The following ATP9B variants were observed in gnomAD, a reference collection of about 807,000 sequenced individuals.
The protein encoded by ATP9B is ATPase phospholipid transporting 9B.
In ATP9B, 110 loss-of-function variants were observed where a neutral mutation model predicts 146.1. The observed-to-expected ratio is 0.75, with a 90% CI of 0.65 to 0.88. The LOEUF (loss-of-function observed/expected upper bound fraction) is 0.88, where lower values mean the gene tolerates loss of function less well. Ranked by LOEUF, ATP9B falls within the 40% of genes least tolerant of loss-of-function variation. The pLI, the probability that ATP9B is intolerant of heterozygous loss-of-function variation, is 0.00. For synonymous variants in ATP9B, 604 were observed against 569.7 expected, an observed-to-expected ratio of 1.06 and a Z score of -0.86; for missense variants, 1,499 against 1,496.4, an observed-to-expected ratio of 1.00 and a Z score of -0.03.
chr18:79,092,443 A>G (rs553666759), intron 1 of ATP9B, among the ~76,000 whole-genome samples: 57 of 152,314 alleles, frequency 3.7e-4, no homozygotes, highest in African/African-American at 1.3e-3. Context: ...ACACAAATTT[A>G]CAGTGTGTAA....
chr18:79,318,037 T>A (rs2096691683), intron 15 of ATP9B, among the ~76,000 whole-genome samples: 1 of 152,256 alleles, frequency 6.6e-6, no homozygotes, highest in Admixed American at 6.5e-5. Flanking sequence ...TACTGGATTA[T>A]AGCCCATAGT....
chr18:79,268,995 T>C (rs557386293), intron 12 of ATP9B, among the ~76,000 whole-genome samples: 86 of 152,288 alleles, frequency 5.6e-4, no homozygotes, highest in African/African-American at 1.8e-3. Context: ...CTCTCCTCAT[T>C]GGTGGCATTG....
chr18:79,083,687 C>G (rs781483174), intron 1 of ATP9B, among the ~76,000 whole-genome samples: 1 of 152,102 alleles, frequency 6.6e-6, no homozygotes, highest in East Asian at 1.9e-4. Context: ...CTTGTGCTTC[C>G]CGGGTGAGGC....
intron 7 of ATP9B, among the ~76,000 whole-genome samples, chr18:79,169,436 G>A (rs2095036141): frequency 6.6e-6 from 1 of 152,196 alleles, no homozygotes; most frequent in African/African-American, 2.4e-5. Flanking sequence ...CTTGCTGTGT[G>A]TCACCTGTGT....
intron 1 of ATP9B, among the ~76,000 whole-genome samples, chr18:79,092,866 AT>A (rs2074459062): frequency 6.6e-6 from 1 of 152,196 alleles, no homozygotes; most frequent in Non-Finnish European, 1.5e-5. Context: ...TTTTTAAAAA[AT>A]AAATAGAAAA....
At chr18:79,215,133 G>A (rs2095615633) in intron 11 of ATP9B, among the ~76,000 whole-genome samples, 1 of 137,868 alleles carries the variant, frequency 7.3e-6, no homozygotes, top group Admixed American at 7.4e-5. Flanking sequence ...GGGCAACAGG[G>A]TGAGATTCTG....
At chr18:79,080,793 C>T (rs991598317) in intron 1 of ATP9B, among the ~76,000 whole-genome samples, 2 of 152,146 alleles carry the variant, frequency 1.3e-5, no homozygotes, top group East Asian at 1.9e-4. Flanking sequence ...GAGATACATT[C>T]CATCAATACC....
chr18:79,356,557 T>G (rs991747597), intron 25 of ATP9B, among the ~76,000 whole-genome samples: 2 of 152,218 alleles, frequency 1.3e-5, no homozygotes, highest in African/African-American at 2.4e-5. Flanking sequence ...TAGAAAGAAA[T>G]AAGCTACTGA....
chr18:79,175,255 C>A (rs1466660396), intron 7 of ATP9B, among the ~76,000 whole-genome samples: 1 of 149,826 alleles, frequency 6.7e-6, no homozygotes, highest in Non-Finnish European at 1.5e-5. Flanking sequence ...TCAAAAGTCA[C>A]CTGGATGAAT....
intron 9 of ATP9B, 77 bp downstream of exon 9, chr18:79,193,340 C>A: frequency 8.4e-7 from 1 of 1,185,140 alleles, no homozygotes; most frequent in Non-Finnish European, 1.2e-6. Flanking sequence ...GACAGTAATT[C>A]AATCAAGAAT....
intron 2 of ATP9B, among the ~76,000 whole-genome samples, chr18:79,107,193 A>G (rs780930108): frequency 1.7e-4 from 26 of 152,136 alleles, no homozygotes; most frequent in Non-Finnish European, 3.5e-4. Context: ...CCAGCTTGCA[A>G]TGTGCTCTGT....
At chr18:79,108,579 G>T (rs373002960) in intron 2 of ATP9B, among the ~76,000 whole-genome samples, 1 of 152,152 alleles carries the variant, frequency 6.6e-6, no homozygotes, top group Non-Finnish European at 1.5e-5. Context: ...TGTGTGCTGC[G>T]GTAGAAGTTC....
At chr18:79,235,791 A>C (rs1302438507) in intron 11 of ATP9B, among the ~76,000 whole-genome samples, 1 of 151,820 alleles carries the variant, frequency 6.6e-6, no homozygotes, top group African/African-American at 2.4e-5. Context: ...TCTAGTGTGT[A>C]GTCATAGGCA....
At chr18:79,111,187 A>G (rs1422341573) in intron 3 of ATP9B, among the ~76,000 whole-genome samples, 7 of 152,320 alleles carry the variant, frequency 4.6e-5, no homozygotes, top group African/African-American at 1.7e-4. Flanking sequence ...TTTGTATGTC[A>G]TTCCTTATTT....
At chr18:79,334,112 C>T (rs562055934) in intron 17 of ATP9B, among the ~76,000 whole-genome samples, 1 of 152,272 alleles carries the variant, frequency 6.6e-6, no homozygotes, top group African/African-American at 2.4e-5. Context: ...AATCCCAGCA[C>T]TTTGAGAGGC....
intron 9 of ATP9B, among the ~76,000 whole-genome samples, chr18:79,198,382 A>C (rs146245017): frequency 6.6e-6 from 1 of 152,370 alleles, no homozygotes; most frequent in East Asian, 1.9e-4. Flanking sequence ...CACAAAGTAC[A>C]TTTCAGAACA....
intron 6 of ATP9B, among the ~76,000 whole-genome samples, chr18:79,150,955 A>G (rs1278726311): frequency 6.6e-6 from 1 of 152,186 alleles, no homozygotes; most frequent in African/African-American, 2.4e-5. Context: ...TAAAGAGACC[A>G]AAGTAAATGT....
At chr18:79,329,025 A>G (rs928853644) in intron 15 of ATP9B, 116 bp from the exon 16 acceptor site, 5 of 1,132,242 alleles carry the variant, frequency 4.4e-6, no homozygotes, top group Non-Finnish European at 5.9e-6. Flanking sequence ...CTGAACACCT[A>G]AGTTCTTCTG....
chr18:79,200,490 T>C (rs1213584400), intron 9 of ATP9B, among the ~76,000 whole-genome samples: 1 of 152,204 alleles, frequency 6.6e-6, no homozygotes. Flanking sequence ...ATACAGGGAC[T>C]TAAGGCAGCA....
Sources: gnomAD v4.1 joint callset for allele counts (sites outside exome capture counted in the v4.1 genomes callset) on GRCh38, gnomAD v4.1.1 for gene constraint, MANE v1.5 for transcripts, NCBI Gene and HGNC (gene_info 2026-07-23, HGNC 2026-07-21) for gene names.